Variants in POLN observed in about 807,000 individuals in gnomAD.
The protein encoded by POLN is DNA polymerase N.
A neutral mutation model predicts 113.5 loss-of-function variants in POLN; 108 were observed. The observed-to-expected ratio is 0.95, with a 90% CI of 0.81 to 1.12. POLN has a LOEUF of 1.12. Ranked by LOEUF, POLN falls within the 50% of genes most tolerant of loss-of-function variation. The pLI is 0.00. For missense variants in POLN, 1,097 were observed against 1,077.1 expected, an observed-to-expected ratio of 1.02 and a Z score of -0.26; for synonymous variants, 386 against 391.5, an observed-to-expected ratio of 0.99 and a Z score of 0.17.
At chr4:2,193,093 G>GC in intron 7 of POLN, 111 bp downstream of exon 7, 4 of 777,138 alleles carry the variant, frequency 5.1e-6, no homozygotes, top group Non-Finnish European at 8.4e-6. Context: ...AGTCTGTGTG[G>GC]CCAGGTCCTC....
rs918327783 is a variant in POLN at position 2,135,658 on chromosome 4, A to T, written c.1732-4368T>A. On this transcript the variant is annotated intron_variant, in intron 16 of 25. Transcript: ENST00000511885. ...GTGGTGGGAAGCGACAACTAACAAG[A>T]GTCCGAACATCTGGGAGGAAGCTGG... Among the ~76,000 whole-genome samples the T allele has an allele frequency of 2.6e-5, 4 of 152,322 alleles. No individual in the cohort carries two copies. The East Asian group carries it at 7.7e-4, about 29-fold the overall frequency.
At chr4:2,166,425 C>T (rs1469178030) in intron 13 of POLN, among the ~76,000 whole-genome samples, 2 of 152,352 alleles carry the variant, frequency 1.3e-5, no homozygotes, top group East Asian at 3.9e-4. Flanking sequence ...CTTAATGGCT[C>T]TTATCCTGCT....
In POLN at chr4:2,093,206, C is replaced by T. The variant is rs886464828; in HGVS notation, c.2065+2645G>A. Reference sequence around the variant, plus strand: ...ATCCTGCTGGAGGACAGCTGCCCCACGGCAGGTGCTCGGCACTCTCATTCT... The same window carrying T: ...ATCCTGCTGGAGGACAGCTGCCCCATGGCAGGTGCTCGGCACTCTCATTCT... On this transcript the variant is annotated intron_variant, in intron 20 of 25. Coordinates refer to ENST00000511885, the MANE Select transcript of POLN (RefSeq NM_181808.4). This position sits in a 1 kb window ranked among gnomAD's most constrained non-coding sequence, Gnocchi z 4.1. Among the ~76,000 whole-genome samples, 8 of 152,326 alleles carry T rather than the reference C, an allele frequency of 5.3e-5. No homozygotes were observed. In the East Asian group the frequency reaches 1.2e-3, roughly 22 times the overall value.
chr4:2,173,515 C>A (rs576204218), intron 11 of POLN, among the ~76,000 whole-genome samples: 1 of 152,032 alleles, frequency 6.6e-6, no homozygotes, highest in Admixed American at 6.5e-5. Context: ...TGCCCCGCCC[C>A]GCCACTGCTC....
rs376946247 is a variant in POLN at position 2,138,080 on chromosome 4, G to A, written c.1732-6790C>T. Among the ~76,000 whole-genome samples, 10 of 152,224 alleles carry A rather than the reference G, an allele frequency of 6.6e-5. No homozygotes were observed. The South Asian group carries it at 1.2e-3, about 19-fold the overall frequency. ...TCTCCAACTCCTGACCTTGTGATCC[G>A]CCCACCTCAGCCTCCCAAAGTGCTG... is the stretch of plus-strand genomic sequence containing the variant. On this transcript the variant is annotated intron_variant, in intron 16 of 25. Coordinates refer to ENST00000511885, the MANE Select transcript of POLN (RefSeq NM_181808.4).
At chr4:2,233,437 A>AT (rs146831054) in intron 2 of POLN, among the ~76,000 whole-genome samples, 36,078 of 151,198 alleles carry the variant, frequency 0.24, 6,625 homozygotes, top group African/African-American at 0.5. Flanking sequence ...TCTTGGATGC[A>AT]TTTTTTTTTC....
chr4:2,161,874 T>C (rs190375692), intron 13 of POLN, among the ~76,000 whole-genome samples: 2 of 152,294 alleles, frequency 1.3e-5, no homozygotes, highest in African/African-American at 4.8e-5. Context: ...AATGCACCAA[T>C]TGACGCTCTG....
chr4:2,228,347 ACTT>A, intron 3 of POLN: 1 of 240,526 alleles, frequency 4.2e-6, no homozygotes, highest in South Asian at 3.6e-5. Context: ...CACTGCTTTC[ACTT>A]TTTTTTTTTT....
chr4:2,072,961 C>A lies in POLN; in HGVS notation c.2517+7G>T. On this transcript the variant is annotated splice_region_variant and intron_variant, in intron 25 of 25. Transcript: ENST00000511885. ...GGAAGACCGGGCAGGCTTAAGTGTC[C>A]CCTCACCTGAAGCTGCAGCTCCAAT... The A allele has an allele frequency of 6.2e-7, 1 of 1,612,940 alleles. No individual in the cohort carries two copies. Among genetic ancestry groups the A allele is most frequent in the Non-Finnish European group, 8.5e-7 (1 of 1,179,822 alleles).
chr4:2,073,110 C>T, intron 24 of POLN, 81 bp from the exon 25 acceptor site: 1 of 1,406,162 alleles, frequency 7.1e-7, no homozygotes, highest in Non-Finnish European at 1.0e-6. Flanking sequence ...AACTTTCAGG[C>T]CCGAGTCCTG....
chr4:2,083,474 C>A (rs1190148160), intron 21 of POLN, among the ~76,000 whole-genome samples: 1 of 152,228 alleles, frequency 6.6e-6, no homozygotes, highest in Non-Finnish European at 1.5e-5. Context: ...TTTTCTGGTT[C>A]TTCATGGTGG....
chr4:2,081,204 T>C (rs528952953), intron 22 of POLN, 168 bp from the exon 23 acceptor site: 1 of 1,569,774 alleles, frequency 6.4e-7, no homozygotes, highest in Non-Finnish European at 8.6e-7. Context: ...ACTTCGTCCT[T>C]GCTCCTCCCG....
intron 19 of POLN, among the ~76,000 whole-genome samples, chr4:2,099,267 A>G (rs1200644086): frequency 6.6e-6 from 1 of 152,222 alleles, no homozygotes; most frequent in African/African-American, 2.4e-5. Context: ...GTGGAATCGG[A>G]GTAGAAGAGA....
intron 20 of POLN, chr4:2,089,921 T>A (rs1730627831): frequency 1.0e-6 from 1 of 985,082 alleles, no homozygotes. Context: ...TCTCTTGACA[T>A]ATCAGGAATT....
At chr4:2,159,682 G>C (rs35799316) in intron 13 of POLN, among the ~76,000 whole-genome samples, 1 of 152,308 alleles carries the variant, frequency 6.6e-6, no homozygotes, top group East Asian at 1.9e-4. Flanking sequence ...CCCACAGCGA[G>C]CGACGAAACA....
chr4:2,155,844 A>AT lies in POLN; in HGVS notation c.1731+943dup, dbSNP rs200828391. Among the ~76,000 whole-genome samples the AT allele has an allele frequency of 3.9e-3, 580 of 149,650 alleles. 4 individuals are homozygous for AT. Among genetic ancestry groups the AT allele is most frequent in the African/African-American group, 0.013 (549 of 40,902 alleles). On this transcript the variant is annotated intron_variant, in intron 16 of 25. Transcript: ENST00000511885. ...CTTTATTTTTGTAGAAAAAAATTGT[A>AT]TTTTTTTTTTGACAGAGTCTCGCTC...
chr4:2,163,489 T>G (rs1732651977), intron 13 of POLN, among the ~76,000 whole-genome samples: 1 of 152,232 alleles, frequency 6.6e-6, no homozygotes, highest in African/African-American at 2.4e-5. Context: ...CCACCATGGC[T>G]CCGCGGGCTC....
chr4:2,199,811 A>G (rs1733667811), intron 5 of POLN, among the ~76,000 whole-genome samples: 5 of 152,122 alleles, frequency 3.3e-5, no homozygotes. Flanking sequence ...TCCTGAGCTC[A>G]GCCAATCCGC....
At chr4:2,073,516 T>C (rs972371903) in intron 24 of POLN, among the ~76,000 whole-genome samples, 5 of 152,200 alleles carry the variant, frequency 3.3e-5, no homozygotes, top group African/African-American at 1.2e-4. Context: ...CCGGTGAAGT[T>C]TGAGGCAACA....
Sources: allele counts gnomAD v4.1 joint callset (sites outside exome capture counted in the v4.1 genomes callset), GRCh38; gene constraint gnomAD v4.1.1; non-coding constraint Gnocchi (gnomAD v3.1); transcripts MANE v1.5; gene names NCBI Gene and HGNC (gene_info 2026-07-23, HGNC 2026-07-21).